Variants in THRB observed in about 807,000 individuals in gnomAD.
THRB encodes the protein thyroid hormone receptor beta.
Under a neutral mutation model 47.8 loss-of-function variants are expected in THRB, and 12 were observed. That is an observed-to-expected ratio of 0.25 (90% CI 0.16 to 0.41). The LOEUF (loss-of-function observed/expected upper bound fraction) is 0.41. Ranked by LOEUF, THRB falls within the 10% of genes least tolerant of loss-of-function variation. The pLI, the probability that THRB is intolerant of heterozygous loss-of-function variation, is 1.00. For missense variants in THRB, 348 were observed against 589.2 expected (o/e 0.59, Z 4.24); for synonymous variants, 218 against 212.2 (o/e 1.03, Z -0.24).
chr3:24,288,165 GA>G lies in THRB; in HGVS notation c.-43+9060del, dbSNP rs199627502. On this transcript the variant is annotated intron_variant, in intron 3 of 10. Transcript: ENST00000646209. ...AAGTGGCCGGAGCAGGACAAATTGTGACCCAAGGTAGTAAAAGGAAGGCTGG... is the reference window on the plus strand; with the variant it reads ...AAGTGGCCGGAGCAGGACAAATTGTGCCCAAGGTAGTAAAAGGAAGGCTGG... Among the ~76,000 whole-genome samples the G allele has an allele frequency of 4.7e-3, 715 of 152,330 alleles. 3 individuals carry two copies. Among genetic ancestry groups the G allele is most frequent in the Non-Finnish European group, 7.2e-3 (489 of 68,028 alleles).
At chr3:24,269,485 C>T (rs1344497345) in intron 3 of THRB, among the ~76,000 whole-genome samples, 1 of 152,080 alleles carries the variant, frequency 6.6e-6, no homozygotes, top group African/African-American at 2.4e-5. Flanking sequence ...AGTGCAATGA[C>T]ACCCATCATA....
At chr3:24,348,865 C>G (rs1038769272) in intron 1 of THRB, 3 of 151,746 alleles carry the variant, frequency 2.0e-5, no homozygotes, top group Non-Finnish European at 2.9e-5. Context: ...AAACATTATA[C>G]TAGAAATTGC....
chr3:24,327,924 A>C (rs960110519), intron 2 of THRB, among the ~76,000 whole-genome samples: 3 of 152,222 alleles, frequency 2.0e-5, no homozygotes, highest in African/African-American at 7.2e-5. Flanking sequence ...CAAAGAGATA[A>C]TATCCTTAAT....
At chr3:24,291,603 G>A (rs1326704097) in intron 3 of THRB, among the ~76,000 whole-genome samples, 1 of 152,158 alleles carries the variant, frequency 6.6e-6, no homozygotes, top group Non-Finnish European at 1.5e-5. Context: ...TTGTTATACT[G>A]TATTGTTTAG....
chr3:24,426,401 G>C (rs1035116835), intron 1 of THRB, among the ~76,000 whole-genome samples: 19 of 151,790 alleles, frequency 1.3e-4, no homozygotes, highest in South Asian at 1.2e-3. Flanking sequence ...TCTGAATAAG[G>C]CTCCAGCATC....
At chr3:24,397,336 T>C (rs1414397158) in intron 1 of THRB, among the ~76,000 whole-genome samples, 1 of 152,134 alleles carries the variant, frequency 6.6e-6, no homozygotes, top group East Asian at 1.9e-4. Flanking sequence ...GCCATTGATG[T>C]GATATGTAAC....
intron 6 of THRB, 87 bp from the exon 7 acceptor site, chr3:24,146,909 G>T (rs2036170416): frequency 1.6e-6 from 2 of 1,276,322 alleles, no homozygotes; most frequent in African/African-American, 1.5e-5. Context: ...ATAACTATGA[G>T]ATGAATCGTT....
chr3:24,190,462 G>A lies in THRB; in HGVS notation c.23-128C>T, dbSNP rs952571200. 59 of 1,192,978 alleles carry A rather than the reference G, an allele frequency of 4.9e-5. 1 individual carries two copies. Among genetic ancestry groups the A allele is most frequent in the South Asian group, 3.5e-4 (28 of 81,134 alleles). The allele number at this position is 1,192,978 out of a possible 1,614,324, so 73.9% of individuals were successfully genotyped here. On this transcript the variant is annotated intron_variant, in intron 4 of 10. Coordinates refer to ENST00000646209, the MANE Select transcript of THRB (RefSeq NM_001354712.2). ...TGACAGTATTCACATGCCACTTGAC[G>A]GGAGTGATAAGATGCAGAATTTGTC... is the stretch of plus-strand genomic sequence containing the variant.
chr3:24,182,477 C>T (rs2042032185), intron 5 of THRB, among the ~76,000 whole-genome samples: 1 of 152,188 alleles, frequency 6.6e-6, no homozygotes, highest in Non-Finnish European at 1.5e-5. Flanking sequence ...TACATCTGTT[C>T]TGCCTGCGTC....
intron 7 of THRB, 50 bp downstream of exon 7, chr3:24,146,623 CTG>C: frequency 1.9e-6 from 3 of 1,601,500 alleles, no homozygotes; most frequent in African/African-American, 2.7e-5. Flanking sequence ...TTGAACCAAA[CTG>C]TTTCCTAATC....
intron 1 of THRB, among the ~76,000 whole-genome samples, chr3:24,489,629 T>G (rs1444285272): frequency 1.3e-5 from 2 of 152,154 alleles, no homozygotes; most frequent in African/African-American, 4.8e-5. Context: ...GAACTCAGTT[T>G]CTCAACTCAA....
chr3:24,223,239 A>G (rs1056896975), intron 4 of THRB, among the ~76,000 whole-genome samples: 2 of 152,144 alleles, frequency 1.3e-5, no homozygotes, highest in East Asian at 3.8e-4. Flanking sequence ...TGGTGCACAA[A>G]GGTAACAATG....
At chr3:24,124,826 G>A (rs1334892468) in intron 10 of THRB, among the ~76,000 whole-genome samples, 2 of 152,182 alleles carry the variant, frequency 1.3e-5, no homozygotes, top group African/African-American at 4.8e-5. Flanking sequence ...CTGGAGACTT[G>A]GGGCCCTGAC....
chr3:24,445,846 T>G (rs985652712), intron 1 of THRB, among the ~76,000 whole-genome samples: 4 of 152,168 alleles, frequency 2.6e-5, no homozygotes, highest in African/African-American at 7.2e-5. Flanking sequence ...GCATAAACAT[T>G]CAACCATAGA....
intron 1 of THRB, among the ~76,000 whole-genome samples, chr3:24,468,528 G>T (rs1042530635): frequency 6.6e-6 from 1 of 152,142 alleles, no homozygotes; most frequent in Admixed American, 6.5e-5. Context: ...AGAGGCTATT[G>T]TAGGGTTACT....
At chr3:24,386,446 G>A (rs1176605053) in intron 1 of THRB, among the ~76,000 whole-genome samples, 1 of 151,892 alleles carries the variant, frequency 6.6e-6, no homozygotes, top group Non-Finnish European at 1.5e-5. Context: ...AACCTTCTAT[G>A]GCTCCCCATT....
chr3:24,220,797 C>CAAAAAAAAAAAAAA (rs1368551143), intron 4 of THRB, among the ~76,000 whole-genome samples: 1 of 96,670 alleles, frequency 1.0e-5, no homozygotes, highest in Non-Finnish European at 2.1e-5. Flanking sequence ...CAAGGTTAAA[C>CAAAAAAAAAAAAAA]AAAAGAAAAA....
intron 4 of THRB, among the ~76,000 whole-genome samples, chr3:24,203,871 G>A (rs1005375401): frequency 6.6e-6 from 1 of 152,250 alleles, no homozygotes; most frequent in African/African-American, 2.4e-5. Flanking sequence ...CCCACGCCTG[G>A]CTTGGAGGGT....
chr3:24,241,809 C>T (rs1240163415), intron 3 of THRB, among the ~76,000 whole-genome samples: 1 of 152,166 alleles, frequency 6.6e-6, no homozygotes, highest in African/African-American at 2.4e-5. Context: ...GCCTCTATCC[C>T]AGACCTAATG....
Sources: gnomAD v4.1 joint callset for allele counts (sites outside exome capture counted in the v4.1 genomes callset) on GRCh38, gnomAD v4.1.1 for gene constraint, MANE v1.5 for transcripts, NCBI Gene and HGNC (gene_info 2026-07-23, HGNC 2026-07-21) for gene names.